Variants in STX2 observed in about 807,000 individuals in gnomAD.
The protein encoded by STX2 is syntaxin-2.
A neutral mutation model predicts 40.6 loss-of-function variants in STX2; 27 were observed. That is an observed-to-expected ratio of 0.66 (90% CI 0.49 to 0.92). The LOEUF is 0.92. Among genes scored for constraint, STX2 ranks in the 40% least tolerant of loss-of-function variants. The pLI is 0.00. For synonymous variants in STX2, 123 were observed against 119.1 expected (o/e 1.03, Z -0.22); for missense variants, 328 against 366.1 (o/e 0.90, Z 0.85).
chr12:130,806,075 C>A (rs1394406330), intron 6 of STX2, among the ~76,000 whole-genome samples: 1 of 152,200 alleles, frequency 6.6e-6, no homozygotes, highest in East Asian at 1.9e-4. Flanking sequence ...GCAGATCAGA[C>A]AAGCAAGAGA....
chr12:130,812,190 T>A (rs966232503), intron 4 of STX2: 28 of 228,542 alleles, frequency 1.2e-4, no homozygotes, highest in African/African-American at 6.6e-4. Context: ...AAAAAAATCG[T>A]AAGACCACTG....
At chr12:130,834,862 T>C (rs1952703881) in intron 1 of STX2, among the ~76,000 whole-genome samples, 1 of 152,232 alleles carries the variant, frequency 6.6e-6, no homozygotes, top group Non-Finnish European at 1.5e-5. Flanking sequence ...CCAGTGAAGT[T>C]TTTTAATCTT....
chr12:130,825,411 AG>A (rs1952265040), intron 2 of STX2, among the ~76,000 whole-genome samples: 1 of 152,226 alleles, frequency 6.6e-6, no homozygotes, highest in Non-Finnish European at 1.5e-5. Flanking sequence ...ATTTTTACAA[AG>A]AACTTACATG....
chr12:130,789,849 A>T lies in STX2; in HGVS notation c.*2174T>A, dbSNP rs1236. ...TTGGACAAGTGACTTAAATATCTAAATACAAATCAAATAGCATTTTCCTAA... is the reference window on the plus strand; with the variant it reads ...TTGGACAAGTGACTTAAATATCTAATTACAAATCAAATAGCATTTTCCTAA... On this transcript the variant is annotated 3_prime_UTR_variant, in exon 11 of 11. Coordinates refer to ENST00000392373, the MANE Select transcript of STX2 (RefSeq NM_194356.4). 71,109 of 152,462 alleles carry T rather than the reference A, an allele frequency of 0.47. 19,744 individuals carry two copies. The highest frequency in any genetic ancestry group is 0.88 in the East Asian group (4,532 of 5,174). 9.4% of individuals were successfully genotyped at this position (152,462 alleles called of 1,614,324 possible). A position where few individuals can be genotyped will look rare whatever the true frequency, so the allele number is the denominator to read the frequency against.
intron 3 of STX2, among the ~76,000 whole-genome samples, chr12:130,818,179 AAAAAAAATATATATATAT>A (rs1451952386): frequency 2.6e-4 from 5 of 19,418 alleles, no homozygotes; most frequent in African/African-American, 8.5e-4. Context: ...ACAAAAAAAA[AAAAAAAATATATATATAT>A]ATATATATAT....
intron 5 of STX2, among the ~76,000 whole-genome samples, chr12:130,807,666 C>A (rs918358285): frequency 6.6e-6 from 1 of 152,212 alleles, no homozygotes; most frequent in Non-Finnish European, 1.5e-5. Context: ...TAAAACGTGG[C>A]GGCCTTACCA....
intron 1 of STX2, 127 bp from the exon 2 acceptor site, chr12:130,827,394 C>T: frequency 1.5e-6 from 1 of 670,012 alleles, no homozygotes; most frequent in Non-Finnish European, 2.6e-6. Context: ...TTGTAACAGA[C>T]TAGCAGCCAC....
intron 3 of STX2, among the ~76,000 whole-genome samples, chr12:130,818,458 G>A (rs1228216037): frequency 6.6e-6 from 1 of 152,006 alleles, no homozygotes; most frequent in African/African-American, 2.4e-5. Context: ...TTTCACACGT[G>A]TGGGAACTGC....
chr12:130,828,684 G>A (rs1263134849), intron 1 of STX2, among the ~76,000 whole-genome samples: 2 of 151,266 alleles, frequency 1.3e-5, no homozygotes, highest in African/African-American at 4.9e-5. Flanking sequence ...GGCTAACACG[G>A]TGAAACCCTG....
chr12:130,811,451 G>A (rs531013869), intron 4 of STX2, among the ~76,000 whole-genome samples: 2 of 146,906 alleles, frequency 1.4e-5, no homozygotes, highest in Admixed American at 1.4e-4. Context: ...CAATATCACA[G>A]AATAGAAAAG....
chr12:130,827,639 C>A (rs771164789), intron 1 of STX2, among the ~76,000 whole-genome samples: 1 of 152,256 alleles, frequency 6.6e-6, no homozygotes, highest in African/African-American at 2.4e-5. Context: ...ACTGGCCAGC[C>A]GCAGTGGCTC....
chr12:130,806,294 A>G (rs897838861), intron 6 of STX2, among the ~76,000 whole-genome samples: 1 of 152,188 alleles, frequency 6.6e-6, no homozygotes, highest in Non-Finnish European at 1.5e-5. Flanking sequence ...GGCCGGCAGA[A>G]GGTCCAAGGC....
At position 130,791,806 on chromosome 12, in the gene STX2, A is replaced by G; in HGVS notation, c.*217T>C. 1 of 1,115,838 alleles carries G rather than the reference A, an allele frequency of 9.0e-7. No individual in the cohort carries two copies. Among genetic ancestry groups the G allele is most frequent in the Non-Finnish European group, 1.4e-6 (1 of 737,688 alleles). 69.1% of individuals were successfully genotyped at this position (1,115,838 alleles called of 1,614,324 possible). A position where few individuals can be genotyped will look rare whatever the true frequency, so the allele number is the denominator to read the frequency against. On this transcript the variant is annotated 3_prime_UTR_variant, in exon 11 of 11. Coordinates refer to ENST00000392373, the MANE Select transcript of STX2 (RefSeq NM_194356.4). ...AGGTCAGCACTCGATGCCGGGTTACAGCGTCTGAGATTCATTCACGAAATG... is the reference window on the plus strand; with the variant it reads ...AGGTCAGCACTCGATGCCGGGTTACGGCGTCTGAGATTCATTCACGAAATG...
chr12:130,826,634 CAACTTTT>C (rs1385597801), intron 2 of STX2, among the ~76,000 whole-genome samples: 1 of 152,190 alleles, frequency 6.6e-6, no homozygotes, highest in African/African-American at 2.4e-5. Context: ...ATTCAAACAA[CAACTTTT>C]AAAAATATTA....
intron 2 of STX2, among the ~76,000 whole-genome samples, chr12:130,824,407 A>C (rs908999042): frequency 2.0e-5 from 3 of 152,146 alleles, no homozygotes; most frequent in African/African-American, 7.2e-5. Context: ...AAAAATTACC[A>C]TTTCTAAAGT....
rs1331504022 is a variant in STX2 at position 130,801,424 on chromosome 12, G to A, written c.528C>T (p.Phe176=). 6.8e-6 allele frequency: 11 copies of A among 1,609,894 alleles called. No individual in the cohort carries two copies. The highest frequency in any genetic ancestry group is 2.2e-5 in the East Asian group (1 of 44,806). Residue 176 remains phenylalanine (F), a synonymous_variant, in exon 7 of 11, where the codon TTC becomes TTT. Transcript: ENST00000392373. ...CCGCACCCCCACTCACGTCGGAAGT[G>A]AAGATGGATGGCTTCCCGCTCTCCA... ...EMLESGKPSI[F]TSDIISDSQI...
Position 130,835,346 on chromosome 12 carries a change from G to T in STX2, c.30+3724C>A, listed in dbSNP as rs201327067. Among the ~76,000 whole-genome samples the T allele has an allele frequency of 3.9e-5, 6 of 152,096 alleles. No homozygotes were observed. In the East Asian group the frequency reaches 1.2e-3, roughly 29 times the overall value. ...CCTTGAAACCAGGATGAAAAATAAC[G>T]TTCTCATTTCTTTTAGGTCTACTAA... On this transcript the variant is annotated intron_variant, in intron 1 of 10. Coordinates refer to ENST00000392373, the MANE Select transcript of STX2 (RefSeq NM_194356.4).
chr12:130,833,392 T>C lies in STX2; in HGVS notation c.30+5678A>G, dbSNP rs551923948. On this transcript the variant is annotated intron_variant, in intron 1 of 10. Transcript: ENST00000392373. ...GATGGTACTACGTGCCCTCAAAGCC[T>C]GGGAGAAATCACTCTACCTTTTTTT... Among the ~76,000 whole-genome samples, 45 of 147,056 alleles carry C rather than the reference T, an allele frequency of 3.1e-4. No homozygotes were observed. In the Middle Eastern group the frequency reaches 0.014, roughly 47 times the overall value.
chr12:130,822,407 C>T (rs1397146207), intron 2 of STX2, among the ~76,000 whole-genome samples: 1 of 151,866 alleles, frequency 6.6e-6, no homozygotes, highest in East Asian at 1.9e-4. Context: ...CAGAGCAAGA[C>T]TCTGTCTCAA....
Sources: gnomAD v4.1 joint callset for allele counts (sites outside exome capture counted in the v4.1 genomes callset) on GRCh38, gnomAD v4.1.1 for gene constraint, MANE v1.5 for transcripts, NCBI Gene and HGNC (gene_info 2026-07-23, HGNC 2026-07-21) for gene names.